Variants in COL4A4 observed in about 807,000 individuals in gnomAD.
COL4A4 encodes collagen alpha-4(IV) chain.
In COL4A4, 105 loss-of-function variants were observed where a neutral mutation model predicts 192.9. The observed-to-expected ratio is 0.54, with a 90% CI of 0.46 to 0.64. COL4A4 has a LOEUF of 0.64. COL4A4 is among the 30% of genes least tolerant of loss of function. The pLI, the probability that COL4A4 is intolerant of heterozygous loss-of-function variation, is 0.00. For synonymous variants in COL4A4, 762 were observed against 769.9 expected, an observed-to-expected ratio of 0.99 and a Z score of 0.17; for missense variants, 1,967 against 2,169.3, an observed-to-expected ratio of 0.91 and a Z score of 1.85.
chr2:227,037,407 A>C (rs1007259179), intron 37 of COL4A4, among the ~76,000 whole-genome samples: 1 of 152,204 alleles, frequency 6.6e-6, no homozygotes, highest in African/African-American at 2.4e-5. Flanking sequence ...CCTGCAAAGG[A>C]CATGCACTCA....
chr2:226,996,992 A>AT, the COL4A4 span: 1 of 152,134 alleles, frequency 6.6e-6, no homozygotes, highest in African/African-American at 2.4e-5. Flanking sequence ...TGTCTTATCA[A>AT]TTTTTCCGTT....
At chr2:226,984,133 C>T in the COL4A4 span, among the ~76,000 whole-genome samples, 3 of 152,254 alleles carry the variant, frequency 2.0e-5, no homozygotes, top group Non-Finnish European at 2.9e-5. Flanking sequence ...CTGTTCACCG[C>T]TCTGATCACT....
At chr2:227,064,154 T>C (rs1017642976) in intron 25 of COL4A4, among the ~76,000 whole-genome samples, 1 of 152,124 alleles carries the variant, frequency 6.6e-6, no homozygotes, top group Admixed American at 6.5e-5. Flanking sequence ...GAAAACATCA[T>C]AAATAAATTT....
intron 7 of COL4A4, among the ~76,000 whole-genome samples, chr2:227,117,625 T>A (rs57248071): frequency 0.035 from 5,238 of 151,560 alleles, 294 homozygotes; most frequent in African/African-American, 0.12. Flanking sequence ...AATGATATTT[T>A]ATTAAGGAAG....
At chr2:227,022,722 G>A (rs1398478813) in intron 43 of COL4A4, among the ~76,000 whole-genome samples, 1 of 152,162 alleles carries the variant, frequency 6.6e-6, no homozygotes, top group African/African-American at 2.4e-5. Flanking sequence ...TTATCCAGGG[G>A]AGTCATGGAA....
chr2:227,105,559 A>G (rs1027349133), intron 12 of COL4A4, among the ~76,000 whole-genome samples: 2 of 152,342 alleles, frequency 1.3e-5, no homozygotes, highest in South Asian at 2.1e-4. Flanking sequence ...ACTGTAAAAT[A>G]ATAGCCAAAA....
Position 227,080,685 on chromosome 2 carries a change from T to C in COL4A4, c.1697-136A>G, listed in dbSNP as rs918424146. The C allele has an allele frequency of 4.2e-6, 3 of 721,586 alleles. No individual in the cohort carries two copies. The African/African-American group carries it at 5.3e-5, about 13-fold the overall frequency. 44.7% of individuals were successfully genotyped at this position (721,586 alleles called of 1,614,324 possible). ...GTGTATCTCAATTGCTCAAGTCACA[T>C]AAAACATGCCAAAGCCAGAGGGGAG... On this transcript the variant is annotated intron_variant, in intron 23 of 47. Transcript: ENST00000396625.
intron 25 of COL4A4, among the ~76,000 whole-genome samples, chr2:227,064,956 T>C (rs1242341948): frequency 6.6e-6 from 1 of 152,236 alleles, no homozygotes; most frequent in African/African-American, 2.4e-5. Flanking sequence ...GGGTGATTTC[T>C]GCATTTCCAT....
intron 43 of COL4A4, among the ~76,000 whole-genome samples, chr2:227,024,482 T>C (rs1966626599): frequency 6.6e-6 from 1 of 152,196 alleles, no homozygotes; most frequent in Non-Finnish European, 1.5e-5. Flanking sequence ...AGAGCAAGAC[T>C]CTGTCTCCAA....
At chr2:227,100,959 C>T (rs976524149) in intron 17 of COL4A4, among the ~76,000 whole-genome samples, 1 of 152,034 alleles carries the variant, frequency 6.6e-6, no homozygotes, top group Non-Finnish European at 1.5e-5. Flanking sequence ...CGCCCACCAC[C>T]ACGCCTGGCT....
chr2:227,109,397 A>G lies in COL4A4; in HGVS notation c.595-111T>C, dbSNP rs6436654. ...AAAAACCTCTAAAGAAATCACAGCC[A>G]CCAGCACATCTGCCCTGCTAGGACA... is the stretch of plus-strand genomic sequence containing the variant. On this transcript the variant is annotated intron_variant, in intron 9 of 47. Transcript: ENST00000396625. The G allele has an allele frequency of 0.65, 574,924 of 884,130 alleles. 189,832 individuals carry two copies. Among genetic ancestry groups the G allele is most frequent in the African/African-American group, 0.88 (53,597 of 61,046 alleles). 54.8% of individuals were successfully genotyped at this position (884,130 alleles called of 1,614,324 possible).
At position 227,025,567 on chromosome 2, in the gene COL4A4, A is replaced by T. The variant is rs2177596; in HGVS notation, c.4090+235T>A. On this transcript the variant is annotated intron_variant, in intron 43 of 47. Transcript: ENST00000396625. Reference sequence around the variant, plus strand: ...ATGCCCAAATTGAAACTATATAAGCAAAGGCTCTACACTGCCTTGACAACC... The same window carrying T: ...ATGCCCAAATTGAAACTATATAAGCTAAGGCTCTACACTGCCTTGACAACC... Among the ~76,000 whole-genome samples, 71,364 of 152,002 alleles carry T rather than the reference A, an allele frequency of 0.47. 16,975 individuals are homozygous for T. The highest frequency in any genetic ancestry group is 0.55 in the South Asian group (2,648 of 4,810).
At position 227,007,004 on chromosome 2, in the gene COL4A4, T is replaced by C. The variant is rs886055721; in HGVS notation, c.*321A>G. 1 of 377,874 alleles carries C rather than the reference T, an allele frequency of 2.6e-6. No individual in the cohort carries two copies. Among genetic ancestry groups the C allele is most frequent in the Non-Finnish European group, 5.0e-6 (1 of 200,060 alleles). The allele number at this position is 377,874 out of a possible 1,614,324, so 23.4% of individuals were successfully genotyped here. Reference sequence around the variant, plus strand: ...AACCCAAGAATGAAGTTTTCAGTAATGTAATTTGTAATCTGGCCTTTATCA... The same window carrying C: ...AACCCAAGAATGAAGTTTTCAGTAACGTAATTTGTAATCTGGCCTTTATCA... On this transcript the variant is annotated 3_prime_UTR_variant, in exon 48 of 48. Transcript: ENST00000396625.
intron 35 of COL4A4, among the ~76,000 whole-genome samples, chr2:227,043,770 CCT>C (rs754269829): frequency 3.3e-5 from 5 of 152,070 alleles, no homozygotes; most frequent in Non-Finnish European, 2.9e-5. Flanking sequence ...TAATTCCATC[CCT>C]AAATACTTCA....
In COL4A4 at chr2:227,050,969, C is replaced by T. The variant is rs2150181194; in HGVS notation, c.3150+8G>A. ...TGTCTCTTCCCCCACAAAGCAGTAG[C>T]CCCTTACCTGGTCACCTGGAAGTCC... On this transcript the variant is annotated splice_region_variant and intron_variant, in intron 33 of 47. Coordinates refer to ENST00000396625, the MANE Select transcript of COL4A4 (RefSeq NM_000092.5). 6.2e-7 allele frequency: 1 copy of T among 1,614,188 alleles called. No homozygotes were observed. The highest frequency in any genetic ancestry group is 8.5e-7 in the Non-Finnish European group (1 of 1,180,030).
intron 2 of COL4A4, among the ~76,000 whole-genome samples, chr2:227,146,739 T>C (rs1272356154): frequency 6.6e-6 from 1 of 152,184 alleles, no homozygotes; most frequent in Non-Finnish European, 1.5e-5. Flanking sequence ...ATTCCTTGGC[T>C]CCTGGTCCCC....
chr2:227,020,408 C>T (rs1965775216), intron 44 of COL4A4, among the ~76,000 whole-genome samples: 1 of 152,182 alleles, frequency 6.6e-6, no homozygotes, highest in Admixed American at 6.5e-5. Context: ...CTACAACCAA[C>T]ACCCAATTAA....
intron 37 of COL4A4, among the ~76,000 whole-genome samples, chr2:227,036,812 G>A (rs572270340): frequency 5.3e-5 from 8 of 152,074 alleles, no homozygotes; most frequent in East Asian, 1.9e-4. Context: ...TAAAAAAAGC[G>A]GGGGGAGAAT....
At chr2:227,050,216 G>T in intron 33 of COL4A4, 85 bp from the exon 34 acceptor site, 1 of 1,322,868 alleles carries the variant, frequency 7.6e-7, no homozygotes. Context: ...GTAATTTTCT[G>T]TAACTAATTT....
Sources: gnomAD v4.1 joint callset for allele counts (sites outside exome capture counted in the v4.1 genomes callset) on GRCh38, gnomAD v4.1.1 for gene constraint, MANE v1.5 for transcripts, NCBI Gene and HGNC (gene_info 2026-07-23, HGNC 2026-07-21) for gene names.